The following SDCCAG8 variants were observed in gnomAD, a reference collection of about 807,000 sequenced individuals.
SDCCAG8 encodes the protein SHH signaling and ciliogenesis regulator SDCCAG8.
In SDCCAG8, 74 loss-of-function variants were observed where a neutral mutation model predicts 101.8. The observed-to-expected ratio is 0.73, with a 90% confidence interval of 0.60 to 0.88. The LOEUF is 0.88. SDCCAG8 is among the 40% of genes least tolerant of loss of function. The pLI is 0.00. For synonymous variants in SDCCAG8, 281 were observed against 292.9 expected (o/e 0.96, Z 0.41); for missense variants, 787 against 822.6 (o/e 0.96, Z 0.53).
At chr1:243,391,541 A>G (rs1331771717) in intron 13 of SDCCAG8, among the ~76,000 whole-genome samples, 2 of 152,188 alleles carry the variant, frequency 1.3e-5, no homozygotes, top group African/African-American at 4.8e-5. Context: ...GTCACCTGTG[A>G]TAGGGCTGAG....
At chr1:243,293,468 C>T in intron 6 of SDCCAG8, 1 of 615,752 alleles carries the variant, frequency 1.6e-6, no homozygotes, top group Non-Finnish European at 3.0e-6. Flanking sequence ...TCCCTGCCAA[C>T]CCCTGATGAC....
chr1:243,276,726 C>G (rs61833913), intron 4 of SDCCAG8, among the ~76,000 whole-genome samples: 14,039 of 152,112 alleles, frequency 0.092, 841 homozygotes, highest in Non-Finnish European at 0.13. Context: ...TGACATATAT[C>G]CACCATTACA....
chr1:243,378,771 A>C lies in SDCCAG8; in HGVS notation c.1524A>C (p.Glu508Asp). The part of the protein sequence containing the change: ...IELDESKQHL[E>D]QEQQKAALAR... ...TGGATGAAAGCAAACAACACTTGGA[A>C]CAGGAGCAGCAGAAGGCAGCCCTGG... The change falls in exon 13 of 18, where the codon GAA becomes GAC. Residue 508 changes from glutamate to aspartate, a missense_variant. Transcript: ENST00000366541. 1 of 1,614,132 alleles carries C rather than the reference A, an allele frequency of 6.2e-7. No individual in the cohort carries two copies. Among genetic ancestry groups the C allele is most frequent in the Non-Finnish European group, 8.5e-7 (1 of 1,180,012 alleles).
intron 9 of SDCCAG8, among the ~76,000 whole-genome samples, chr1:243,327,396 T>G (rs2074249359): frequency 7.1e-6 from 1 of 141,482 alleles, no homozygotes; most frequent in African/African-American, 2.5e-5. Context: ...TAATTTATAA[T>G]TTTATAGAAA....
At chr1:243,493,479 T>C (rs1471376397) in intron 17 of SDCCAG8, among the ~76,000 whole-genome samples, 1 of 152,194 alleles carries the variant, frequency 6.6e-6, no homozygotes, top group Non-Finnish European at 1.5e-5. Flanking sequence ...CTGTGTCTGC[T>C]TTCTTATTTG....
intron 16 of SDCCAG8, among the ~76,000 whole-genome samples, chr1:243,447,835 G>C (rs929562986): frequency 6.6e-6 from 1 of 152,104 alleles, no homozygotes; most frequent in African/African-American, 2.4e-5. Flanking sequence ...TTACAAAGAA[G>C]GGTAAGGGGA....
chr1:243,301,346 G>T (rs1306463358), intron 6 of SDCCAG8, among the ~76,000 whole-genome samples: 2 of 152,074 alleles, frequency 1.3e-5, no homozygotes, highest in Non-Finnish European at 2.9e-5. Flanking sequence ...AGTAAAAAGT[G>T]ATCTCTTGGT....
chr1:243,416,500 A>C lies in SDCCAG8; in HGVS notation c.1744+671A>C, dbSNP rs2080595165. On this transcript the variant is annotated intron_variant, in intron 14 of 17. Transcript: ENST00000366541. This position sits in a 1 kb window ranked among gnomAD's most constrained non-coding sequence, Gnocchi z 4.3. ...TGATGTTTAATCCTTTGCATTCTTCAAGTTCTCACAACTGCTGTTAAAATT... is the reference window on the plus strand; with the variant it reads ...TGATGTTTAATCCTTTGCATTCTTCCAGTTCTCACAACTGCTGTTAAAATT... Among the ~76,000 whole-genome samples the C allele has an allele frequency of 6.6e-6, 1 of 152,172 alleles. No homozygotes were observed. The highest frequency in any genetic ancestry group is 1.5e-5 in the Non-Finnish European group (1 of 68,036).
chr1:243,449,026 T>C (rs879308255), intron 16 of SDCCAG8, among the ~76,000 whole-genome samples: 22 of 152,250 alleles, frequency 1.4e-4, no homozygotes, highest in Non-Finnish European at 2.5e-4. Context: ...ACTATATGTG[T>C]GTCTAATTAC....
At chr1:243,463,141 T>C (rs1180649713) in intron 16 of SDCCAG8, among the ~76,000 whole-genome samples, 3 of 152,246 alleles carry the variant, frequency 2.0e-5, no homozygotes, top group Non-Finnish European at 2.9e-5. Flanking sequence ...CTGTGCTGGA[T>C]GCTATGGGTA....
At chr1:243,414,466 T>TA (rs1202174758) in intron 13 of SDCCAG8, among the ~76,000 whole-genome samples, 1 of 152,156 alleles carries the variant, frequency 6.6e-6, no homozygotes, top group Non-Finnish European at 1.5e-5. Context: ...AGACAGGACC[T>TA]TATTTCACAT....
chr1:243,381,750 A>T (rs960991691), intron 13 of SDCCAG8, among the ~76,000 whole-genome samples: 1 of 152,180 alleles, frequency 6.6e-6, no homozygotes, highest in Admixed American at 6.5e-5. Flanking sequence ...CTCAGTTTCT[A>T]CCCTTAGATT....
chr1:243,353,028 C>G (rs1204097746), intron 12 of SDCCAG8, among the ~76,000 whole-genome samples: 2 of 152,110 alleles, frequency 1.3e-5, no homozygotes, highest in Non-Finnish European at 2.9e-5. Context: ...ATTCAATAAC[C>G]ATATATTATG....
chr1:243,276,808 G>A (rs562074227), intron 4 of SDCCAG8, among the ~76,000 whole-genome samples: 5 of 151,672 alleles, frequency 3.3e-5, no homozygotes, highest in African/African-American at 7.3e-5. Context: ...CTTCCCCTCC[G>A]CCCCTTCCCT....
In SDCCAG8 at chr1:243,443,844, A is replaced by G. The variant is rs1184788809; in HGVS notation, c.1985+17286A>G. 2.0e-5 allele frequency among the ~76,000 whole-genome samples: 3 copies of G among 152,076 alleles called. No homozygotes were observed. In the East Asian group the frequency reaches 5.8e-4, roughly 29 times the overall value. ...CCTGTCTTCCTTCCTCTTCAGTATT[A>G]GTAGACTTACTATTTTTATTATTTT... On this transcript the variant is annotated intron_variant, in intron 16 of 17. Transcript: ENST00000366541.
chr1:243,404,902 T>C (rs1453303574), intron 13 of SDCCAG8, among the ~76,000 whole-genome samples: 2 of 150,558 alleles, frequency 1.3e-5, no homozygotes, highest in East Asian at 1.9e-4. Flanking sequence ...AGTCTTACCC[T>C]GTCGCCCAGG....
At chr1:243,420,975 A>G (rs1025367060) in intron 15 of SDCCAG8, among the ~76,000 whole-genome samples, 4 of 152,036 alleles carry the variant, frequency 2.6e-5, no homozygotes, top group African/African-American at 7.3e-5. Flanking sequence ...TGCATACCCC[A>G]TGCCAAACTA....
intron 13 of SDCCAG8, among the ~76,000 whole-genome samples, chr1:243,406,948 C>T (rs571049342): frequency 6.6e-6 from 1 of 152,254 alleles, no homozygotes; most frequent in East Asian, 1.9e-4. Context: ...AATCCTTCCT[C>T]CCTGTCCCCA....
intron 14 of SDCCAG8, among the ~76,000 whole-genome samples, chr1:243,417,569 C>T (rs1356577748): frequency 1.3e-5 from 2 of 152,002 alleles, no homozygotes; most frequent in East Asian, 1.9e-4. Context: ...GAGAATTCCT[C>T]GATGATTTTA....
Sources: allele counts gnomAD v4.1 joint callset (sites outside exome capture counted in the v4.1 genomes callset), GRCh38; gene constraint gnomAD v4.1.1; non-coding constraint Gnocchi (gnomAD v3.1); transcripts MANE v1.5; gene names NCBI Gene and HGNC (gene_info 2026-07-23, HGNC 2026-07-21).